The following ANKFN1 variants were observed in gnomAD, a reference collection of about 807,000 sequenced individuals.
ANKFN1 encodes ankyrin repeat and fibronectin type-III domain-containing protein 1.
Under a neutral mutation model 108.7 loss-of-function variants are expected in ANKFN1, and 74 were observed. That is an observed-to-expected ratio of 0.68 (90% CI 0.56 to 0.83). The LOEUF is 0.83. Ranked by LOEUF, ANKFN1 falls within the 40% of genes least tolerant of loss-of-function variation. The probability of loss-of-function intolerance (pLI) is 0.00; values close to 1 mark genes in which losing one functional copy is unlikely to be tolerated. For synonymous variants in ANKFN1, 547 were observed against 516.2 expected, an observed-to-expected ratio of 1.06 and a Z score of -0.81; for missense variants, 1,505 against 1,382.3, an observed-to-expected ratio of 1.09 and a Z score of -1.41.
At chr17:56,476,351 A>G (rs2050499352) in intron 15 of ANKFN1, among the ~76,000 whole-genome samples, 1 of 152,204 alleles carries the variant, frequency 6.6e-6, no homozygotes, top group African/African-American at 2.4e-5. Context: ...TGTATAGAGA[A>G]TCAAAAGTCA....
intron 16 of ANKFN1, 39 bp downstream of exon 16, chr17:56,477,693 C>T: frequency 6.3e-7 from 1 of 1,598,316 alleles, no homozygotes; most frequent in Non-Finnish European, 8.5e-7. Flanking sequence ...TGTGATGAAA[C>T]AGTGGCTCAA....
rs757139325 is a variant in ANKFN1 at position 56,457,911 on chromosome 17, A to G, written c.1489A>G (p.Ile497Val). Residue 497 changes from isoleucine (I) to valine (V), a missense_variant, in exon 14 of 21, where the codon ATA (isoleucine) becomes GTA (valine). Transcript: ENST00000682825. Reference protein sequence around the residue: ...DIRWLRQSIPISSSSSTVLQT... With the variant: ...DIRWLRQSIPVSSSSSTVLQT... ...AAGGTGGCTGAGGCAAAGCATACCA[A>G]TATCCTCATCCTCATCCACAGTGCT... 4.3e-6 allele frequency: 7 copies of G among 1,613,962 alleles called. No homozygotes were observed. Among genetic ancestry groups the G allele is most frequent in the Non-Finnish European group, 5.9e-6 (7 of 1,180,014 alleles).
chr17:56,491,608 A>G (rs2051042399), intron 18 of ANKFN1, among the ~76,000 whole-genome samples: 1 of 152,204 alleles, frequency 6.6e-6, no homozygotes, highest in Non-Finnish European at 1.5e-5. Flanking sequence ...AACAGCTCAT[A>G]TCATCCATCC....
chr17:56,228,939 T>C (rs975160358), intron 3 of ANKFN1, among the ~76,000 whole-genome samples: 25 of 152,234 alleles, frequency 1.6e-4, no homozygotes, highest in African/African-American at 5.5e-4. Context: ...GAATTATATA[T>C]ATTATACATG....
At chr17:56,502,971 C>T (rs1473367298) in intron 20 of ANKFN1, among the ~76,000 whole-genome samples, 1 of 152,122 alleles carries the variant, frequency 6.6e-6, no homozygotes, top group Non-Finnish European at 1.5e-5. Flanking sequence ...AACTCCTGTG[C>T]GTCAATTAAA....
chr17:56,317,515 A>G (rs2045242671), intron 3 of ANKFN1, among the ~76,000 whole-genome samples: 1 of 152,150 alleles, frequency 6.6e-6, no homozygotes, highest in Non-Finnish European at 1.5e-5. Flanking sequence ...TGTCATGGTC[A>G]TTTTTTTAAA....
chr17:56,478,046 C>T (rs746591174), intron 16 of ANKFN1, among the ~76,000 whole-genome samples: 3 of 152,142 alleles, frequency 2.0e-5, no homozygotes, highest in Non-Finnish European at 4.4e-5. Context: ...GGGCTGGTCT[C>T]GAACTGCTGA....
At chr17:56,255,011 G>C (rs937285159) in intron 3 of ANKFN1, among the ~76,000 whole-genome samples, 5 of 152,176 alleles carry the variant, frequency 3.3e-5, no homozygotes, top group Non-Finnish European at 7.4e-5. Context: ...ACTGCTGTCA[G>C]AGAAGGTCCA....
Position 56,373,788 on chromosome 17 carries a change from C to T in ANKFN1, c.797-813C>T, listed in dbSNP as rs535885501. On this transcript the variant is annotated intron_variant, in intron 7 of 20. Coordinates refer to ENST00000682825, the MANE Select transcript of ANKFN1 (RefSeq NM_001370326.1). ...CATGGGTTTGTTTAAAGAGATTCAG[C>T]GCTTGCTTTAATAAATGCATTTGCT... Among the ~76,000 whole-genome samples, 4 of 152,314 alleles carry T rather than the reference C, an allele frequency of 2.6e-5. No individual in the cohort carries two copies. In the South Asian group the frequency reaches 6.2e-4, roughly 24 times the overall value.
At chr17:56,079,498 C>T (rs1019865354) in intron 4 of ANKFN1, among the ~76,000 whole-genome samples, 5 of 152,068 alleles carry the variant, frequency 3.3e-5, no homozygotes, top group Non-Finnish European at 2.9e-5. Context: ...TTCATCCTCA[C>T]AAGCCAGGCA....
chr17:56,428,865 C>CTT (rs527417362), intron 8 of ANKFN1, among the ~76,000 whole-genome samples: 4 of 132,516 alleles, frequency 3.0e-5, no homozygotes, highest in East Asian at 2.2e-4. Flanking sequence ...ACAAAAAGTG[C>CTT]TTTTTTTTTT....
rs1199837514 is a variant in ANKFN1, at chr17:56,195,839, AAAAAT to A, written c.-70-16751_-70-16747del. ...GTTCCCATGTACTTAAATAAGAAGAAAAAATAAAATAAGGAGAAAAAATAAAAAAG... is the reference window on the plus strand; with the variant it reads ...GTTCCCATGTACTTAAATAAGAAGAAAAAATAAGGAGAAAAAATAAAAAAG... On this transcript the variant is annotated intron_variant, in intron 1 of 20. Coordinates refer to ENST00000682825, the MANE Select transcript of ANKFN1 (RefSeq NM_001370326.1). Among the ~76,000 whole-genome samples the A allele has an allele frequency of 3.3e-5, 5 of 152,308 alleles. No homozygotes were observed. The East Asian group carries it at 7.7e-4, about 23-fold the overall frequency.
At chr17:56,189,237 C>T (rs1912625117) in intron 1 of ANKFN1, among the ~76,000 whole-genome samples, 1 of 126,982 alleles carries the variant, frequency 7.9e-6, no homozygotes, top group South Asian at 2.7e-4. Context: ...GTGGCGGGAT[C>T]TCGGCTCACT....
intron 2 of ANKFN1, among the ~76,000 whole-genome samples, chr17:56,218,673 T>A (rs1915618536): frequency 6.6e-6 from 1 of 152,166 alleles, no homozygotes; most frequent in Admixed American, 6.5e-5. Flanking sequence ...TGTCTCTGGA[T>A]CACCAGAGCC....
chr17:56,171,788 G>T (rs1001011939), intron 1 of ANKFN1, among the ~76,000 whole-genome samples: 1 of 152,142 alleles, frequency 6.6e-6, no homozygotes, highest in African/African-American at 2.4e-5. Flanking sequence ...ATAGAAAACA[G>T]CAGGGAAACA....
intron 8 of ANKFN1, among the ~76,000 whole-genome samples, chr17:56,394,893 C>T (rs1469827820): frequency 1.3e-5 from 2 of 152,172 alleles, no homozygotes; most frequent in Non-Finnish European, 1.5e-5. Context: ...TAGAATTTCT[C>T]TCCAGGAAAA....
chr17:56,479,000 T>G (rs1373982648), intron 16 of ANKFN1, among the ~76,000 whole-genome samples: 1 of 152,206 alleles, frequency 6.6e-6, no homozygotes, highest in Non-Finnish European at 1.5e-5. Flanking sequence ...CTCTCTTCAC[T>G]TATCAACTAC....
intron 3 of ANKFN1, among the ~76,000 whole-genome samples, chr17:56,272,595 G>T (rs1425946751): frequency 6.6e-6 from 1 of 152,112 alleles, no homozygotes; most frequent in African/African-American, 2.4e-5. Flanking sequence ...CAATTTGGTT[G>T]CTTCTACCTT....
chr17:56,266,460 A>G (rs1219225799), intron 3 of ANKFN1, among the ~76,000 whole-genome samples: 1 of 152,130 alleles, frequency 6.6e-6, no homozygotes, highest in East Asian at 1.9e-4. Context: ...GCAATTAACT[A>G]AGGTGATAAC....
Sources: allele counts gnomAD v4.1 joint callset (sites outside exome capture counted in the v4.1 genomes callset), GRCh38; gene constraint gnomAD v4.1.1; transcripts MANE v1.5; gene names NCBI Gene and HGNC (gene_info 2026-07-23, HGNC 2026-07-21).